Variants in ZNF670 observed in about 807,000 individuals in gnomAD.
The protein encoded by ZNF670 is zinc finger protein 670.
ZNF670 carries 7 observed loss-of-function variants against 10.9 expected under a neutral mutation model. That is an observed-to-expected ratio of 0.64 (90% confidence interval 0.36 to 1.20). The LOEUF (loss-of-function observed/expected upper bound fraction) is 1.20, where lower values mean the gene tolerates loss of function less well. Ranked by LOEUF, ZNF670 falls within the 50% of genes most tolerant of loss-of-function variation. The pLI, the probability that ZNF670 is intolerant of heterozygous loss-of-function variation, is 0.02. For synonymous variants in ZNF670, 136 were observed against 152.7 expected, an observed-to-expected ratio of 0.89 and a Z score of 0.81; for missense variants, 446 against 458.6, an observed-to-expected ratio of 0.97 and a Z score of 0.25.
intron 1 of ZNF670, among the ~76,000 whole-genome samples, chr1:247,044,228 C>T (rs1670386192): frequency 6.6e-6 from 1 of 150,908 alleles, no homozygotes; most frequent in African/African-American, 2.4e-5. Context: ...ACGGAAGGAG[C>T]AATAAAAGGA....
chr1:247,050,357 T>C (rs1000443679), intron 1 of ZNF670, among the ~76,000 whole-genome samples: 2 of 152,216 alleles, frequency 1.3e-5, no homozygotes, highest in Non-Finnish European at 2.9e-5. Context: ...TCCTGCTCCC[T>C]TTTGTTGTCC....
At position 247,078,696 on chromosome 1, in the gene ZNF670, G is replaced by T. The variant is rs1671314705; in HGVS notation, c.-100C>A. On this transcript the variant is annotated 5_prime_UTR_variant, in exon 1 of 4. Coordinates refer to ENST00000366503, the MANE Select transcript of ZNF670 (RefSeq NM_033213.5). The stretch of plus-strand genomic sequence containing the variant: ...CCGCGGGACCACTTGGACCTCCCAG[G>T]GATAAGGGGAAGGAGCAGCGGAGAC... 1 of 1,356,036 alleles carries T rather than the reference G, an allele frequency of 7.4e-7. No individual in the cohort carries two copies. Among genetic ancestry groups the T allele is most frequent in the Non-Finnish European group, 1.0e-6 (1 of 960,378 alleles). The allele number at this position is 1,356,036 out of a possible 1,614,324, so 84.0% of individuals were successfully genotyped here.
intron 1 of ZNF670, among the ~76,000 whole-genome samples, chr1:247,077,271 G>A (rs986086062): frequency 3.9e-5 from 6 of 152,170 alleles, no homozygotes; most frequent in African/African-American, 1.4e-4. Context: ...ATGCTGCCTG[G>A]AGAGGCTCTA....
intron 2 of ZNF670, 83 bp from the exon 3 acceptor site, chr1:247,038,953 C>A: frequency 9.7e-7 from 1 of 1,031,000 alleles, no homozygotes; most frequent in East Asian, 2.6e-5. Flanking sequence ...ACACTGTGAC[C>A]ATAACTAATT....
chr1:247,067,841 C>CAAAAAAAAA (rs61211824), intron 1 of ZNF670, among the ~76,000 whole-genome samples: 9 of 85,272 alleles, frequency 1.1e-4, no homozygotes, highest in Admixed American at 1.7e-4. Flanking sequence ...GACTCCGTCT[C>CAAAAAAAAA]AAAAAAAAAA....
intron 1 of ZNF670, among the ~76,000 whole-genome samples, chr1:247,073,133 TA>T (rs1219711143): frequency 2.0e-5 from 3 of 152,104 alleles, no homozygotes; most frequent in Admixed American, 6.6e-5. Flanking sequence ...CATTTAAACT[TA>T]GCATAAAACA....
At chr1:247,039,602 C>T in intron 1 of ZNF670, 65 bp from the exon 2 acceptor site, 1 of 1,407,368 alleles carries the variant, frequency 7.1e-7, no homozygotes, top group Non-Finnish European at 9.3e-7. Flanking sequence ...AATCTATACT[C>T]ATCTCATAAA....
At chr1:247,055,455 C>G (rs760970412) in intron 1 of ZNF670, among the ~76,000 whole-genome samples, 7 of 152,210 alleles carry the variant, frequency 4.6e-5, no homozygotes, top group Non-Finnish European at 8.8e-5. Context: ...CTGGAGCCAG[C>G]CTCATATTTG....
chr1:247,047,880 GGT>G (rs1186383912), intron 1 of ZNF670, among the ~76,000 whole-genome samples: 1 of 151,980 alleles, frequency 6.6e-6, no homozygotes, highest in Non-Finnish European at 1.5e-5. Flanking sequence ...CAAGGCCCTG[GGT>G]CCCGGATCAT....
At chr1:247,055,185 C>A (rs2103062141) in intron 1 of ZNF670, among the ~76,000 whole-genome samples, 1 of 152,350 alleles carries the variant, frequency 6.6e-6, no homozygotes, top group Admixed American at 6.5e-5. Flanking sequence ...CTTTGTATAA[C>A]CAGCGGGCTT....
At chr1:247,061,242 C>A (rs192213780) in intron 1 of ZNF670, among the ~76,000 whole-genome samples, 1 of 148,284 alleles carries the variant, frequency 6.7e-6, no homozygotes, top group African/African-American at 2.5e-5. Context: ...AGTGCAGAGG[C>A]GCGATCTTGG....
chr1:247,072,833 T>C (rs1391973653), intron 1 of ZNF670, among the ~76,000 whole-genome samples: 31,348 of 97,898 alleles, frequency 0.32, 6,030 homozygotes, highest in African/African-American at 0.49. Flanking sequence ...TATATATATA[T>C]ATATATGCAT....
At chr1:247,075,514 G>C (rs937765314) in intron 1 of ZNF670, among the ~76,000 whole-genome samples, 7 of 152,158 alleles carry the variant, frequency 4.6e-5, no homozygotes, top group Non-Finnish European at 4.4e-5. Context: ...ATTCCCACAT[G>C]TGGCAGGAAC....
intron 1 of ZNF670, among the ~76,000 whole-genome samples, chr1:247,069,051 G>A: frequency 6.7e-6 from 1 of 148,918 alleles, no homozygotes; most frequent in South Asian, 2.1e-4. Context: ...GCGAGCTGGA[G>A]GAGAGGTGGA....
Position 247,037,271 on chromosome 1 carries a change from CCTT to C in ZNF670, c.*175_*177del, listed in dbSNP as rs1670180420. 2 of 646,070 alleles carry C rather than the reference CCTT, an allele frequency of 3.1e-6. No individual in the cohort carries two copies. The highest frequency in any genetic ancestry group is 4.7e-6 in the Non-Finnish European group (2 of 421,870). 40.0% of individuals were successfully genotyped at this position (646,070 alleles called of 1,614,324 possible). ...TATGACGTTCTTTCCCAGGACGGGT[CCTT>C]CTAAGTTTTAGAAGGGAACTAGGAA... On this transcript the variant is annotated 3_prime_UTR_variant, in exon 4 of 4. Coordinates refer to ENST00000366503, the MANE Select transcript of ZNF670 (RefSeq NM_033213.5).
chr1:247,048,147 G>A (rs192432), intron 1 of ZNF670, among the ~76,000 whole-genome samples: 87,440 of 151,986 alleles, frequency 0.58, 27,755 homozygotes, highest in African/African-American at 0.84. Context: ...TTCAATTACA[G>A]ACCACCTTTT....
intron 1 of ZNF670, among the ~76,000 whole-genome samples, chr1:247,040,821 G>A (rs142414572): frequency 0.025 from 3,816 of 152,036 alleles, 62 homozygotes; most frequent in Non-Finnish European, 0.028. Flanking sequence ...TCAGCCTCCC[G>A]AGTAGCTGAG....
chr1:247,046,272 A>G (rs1162344549), intron 1 of ZNF670, among the ~76,000 whole-genome samples: 4 of 152,210 alleles, frequency 2.6e-5, no homozygotes, highest in Non-Finnish European at 5.9e-5. Flanking sequence ...AGGCTAAGAA[A>G]AAGACCTGTA....
intron 2 of ZNF670, among the ~76,000 whole-genome samples, 190 bp from the exon 3 acceptor site, chr1:247,039,060 C>CTTTTTTTTTTT (rs3078762): frequency 8.0e-6 from 1 of 125,642 alleles, no homozygotes; most frequent in Non-Finnish European, 1.6e-5. Context: ...TTCTTTCTTT[C>CTTTTTTTTTTT]TTTTTTTTTT....
Sources: allele counts gnomAD v4.1 joint callset (sites outside exome capture counted in the v4.1 genomes callset), GRCh38; gene constraint gnomAD v4.1.1; transcripts MANE v1.5; gene names NCBI Gene and HGNC (gene_info 2026-07-23, HGNC 2026-07-21).